RNF128: variants seen among roughly 807,000 people sequenced by gnomAD.
RNF128 encodes the protein ring finger protein 128.
In RNF128, 13 loss-of-function variants were observed where a neutral mutation model predicts 26.2. The ratio of observed to expected loss-of-function variants is 0.50; its 90% CI spans 0.32 to 0.79. The LOEUF (loss-of-function observed/expected upper bound fraction) is 0.79. Among genes scored for constraint, RNF128 ranks in the 30% least tolerant of loss-of-function variants. The pLI, the probability that RNF128 is intolerant of heterozygous loss-of-function variation, is 0.03. For synonymous variants in RNF128, 149 were observed against 142.5 expected, an observed-to-expected ratio of 1.05 and a Z score of -0.32; for missense variants, 315 against 349.7, an observed-to-expected ratio of 0.90 and a Z score of 0.79.
rs1430204117 is a variant in RNF128, at chrX:106,727,204, C to G, written c.291C>G (p.Asn97Lys). 1 of 1,211,779 alleles carries G rather than the reference C, an allele frequency of 8.3e-7. No homozygotes were observed. Among genetic ancestry groups the G allele is most frequent in the Non-Finnish European group, 1.1e-6 (1 of 895,447 alleles). The part of the protein sequence containing the change: ...PDGPGALNAC[N>K]PHTNFTVPTV... ...GGCCCGGGGCGCTTAACGCCTGTAACCCGCACACGAATTTCACGGTGCCCA... is the reference window on the plus strand; with the variant it reads ...GGCCCGGGGCGCTTAACGCCTGTAAGCCGCACACGAATTTCACGGTGCCCA... Residue 97 changes from asparagine to lysine, a missense_variant, in exon 1 of 7, where the codon AAC becomes AAG. Asn to Lys is a moderately conservative substitution (Grantham distance 94, BLOSUM62 0). Transcript: ENST00000255499.
intron 1 of RNF128, among the ~76,000 whole-genome samples, chrX:106,716,588 T>C (rs1929220508): frequency 9.0e-6 from 1 of 111,010 alleles, no homozygotes; most frequent in Admixed American, 9.7e-5. Context: ...TTTTACTCTA[T>C]GTAAATTATA....
At chrX:106,761,630 T>A (rs1930122286) in intron 1 of RNF128, among the ~76,000 whole-genome samples, 1 of 111,249 alleles carries the variant, frequency 9.0e-6, no homozygotes, top group East Asian at 2.8e-4. Context: ...TATGATCTCA[T>A]GAGTACTCAG....
chrX:106,716,534 T>C (rs773878334), intron 1 of RNF128, among the ~76,000 whole-genome samples: 6 of 111,545 alleles, frequency 5.4e-5, no homozygotes, highest in Admixed American at 9.6e-5. Flanking sequence ...AATGACTGTA[T>C]ATATTTGTAA....
intron 1 of RNF128, among the ~76,000 whole-genome samples, chrX:106,732,833 A>T (rs774219095): frequency 8.9e-6 from 1 of 111,867 alleles, no homozygotes; most frequent in African/African-American, 3.2e-5. Context: ...ATCTTTTAAA[A>T]ACTACACCAG....
intron 1 of RNF128, among the ~76,000 whole-genome samples, chrX:106,760,284 A>G (rs1930096615): frequency 1.8e-5 from 2 of 111,843 alleles, no homozygotes; most frequent in African/African-American, 6.5e-5. Flanking sequence ...AAACAATTAA[A>G]TAGCAAAACA....
intron 1 of RNF128, among the ~76,000 whole-genome samples, chrX:106,748,043 A>G (rs1929818777): frequency 1.8e-5 from 2 of 112,143 alleles, no homozygotes; most frequent in African/African-American, 6.5e-5. Context: ...CCGGTCCACA[A>G]GAAAGTTAAT....
At chrX:106,766,876 T>C in intron 1 of RNF128, among the ~76,000 whole-genome samples, 1 of 111,943 alleles carries the variant, frequency 8.9e-6, no homozygotes, top group Middle Eastern at 4.6e-3. Flanking sequence ...TTAATCCATC[T>C]TGAGTTAATT....
intron 1 of RNF128, among the ~76,000 whole-genome samples, chrX:106,705,107 C>T (rs1338769197): frequency 1.8e-5 from 2 of 111,144 alleles, no homozygotes; most frequent in African/African-American, 3.3e-5. Flanking sequence ...AGGTAGGGTA[C>T]GGTGGAGGGT....
Sources: gnomAD v4.1 joint callset for allele counts (sites outside exome capture counted in the v4.1 genomes callset) on GRCh38, gnomAD v4.1.1 for gene constraint, MANE v1.5 for transcripts, NCBI Gene and HGNC (gene_info 2026-07-23, HGNC 2026-07-21) for gene names.